The following ZNF385C variants were observed in gnomAD, a reference collection of about 807,000 sequenced individuals.
ZNF385C encodes zinc finger protein 385C.
In ZNF385C, 28 loss-of-function variants were observed where a neutral mutation model predicts 35.4. The observed-to-expected ratio is 0.79, with a 90% CI of 0.59 to 1.08. The LOEUF (loss-of-function observed/expected upper bound fraction) is 1.08. ZNF385C is among the 50% of genes least tolerant of loss of function. The pLI is 0.00. For synonymous variants in ZNF385C, 248 were observed against 248.2 expected, an observed-to-expected ratio of 1.00 and a Z score of 0.01; for missense variants, 605 against 595.6, an observed-to-expected ratio of 1.02 and a Z score of -0.16.
At chr17:42,027,575 C>T (rs575977771) in intron 8 of ZNF385C, 43 bp downstream of exon 8, 59 of 1,074,124 alleles carry the variant, frequency 5.5e-5, no homozygotes, top group Admixed American at 1.0e-4. Context: ...CCACCCTCTC[C>T]CCTCCTGACC....
chr17:42,045,800 C>T (rs2053147851), intron 2 of ZNF385C, among the ~76,000 whole-genome samples: 1 of 152,202 alleles, frequency 6.6e-6, no homozygotes, highest in Non-Finnish European at 1.5e-5. Context: ...CCAACTGTGT[C>T]ACTCCCTAGT....
intron 2 of ZNF385C, among the ~76,000 whole-genome samples, chr17:42,041,428 C>T (rs767407249): frequency 2.0e-5 from 3 of 152,148 alleles, no homozygotes; most frequent in South Asian, 2.1e-4. Flanking sequence ...CCTCCCACCC[C>T]GGCCTCCCAC....
At position 42,050,159 on chromosome 17, in the gene ZNF385C, G is replaced by A. The variant is rs1172420927; in HGVS notation, c.251-12274C>T. On this transcript the variant is annotated intron_variant, in intron 2 of 8. Coordinates refer to ENST00000692273, the MANE Select transcript of ZNF385C (RefSeq NM_001392013.1). This position sits in a 1 kb window ranked among gnomAD's most constrained non-coding sequence, Gnocchi z 5.6. ...ATTTCTCTCCACACCCTGACCAGCC[G>A]GATGGGAGCAGGAACAACTTGACAA... Among the ~76,000 whole-genome samples the A allele has an allele frequency of 1.4e-5, 2 of 145,114 alleles. No homozygotes were observed. The highest frequency in any genetic ancestry group is 3.1e-5 in the Non-Finnish European group (2 of 64,796).
intron 1 of ZNF385C, among the ~76,000 whole-genome samples, chr17:42,096,871 C>T (rs1219380087): frequency 6.6e-6 from 1 of 151,450 alleles, no homozygotes; most frequent in Non-Finnish European, 1.5e-5. Flanking sequence ...GTGAGGGGCC[C>T]TGGGCAGCCC....
chr17:42,028,167 A>G lies in ZNF385C; in HGVS notation c.1047T>C (p.Gly349=). 3.1e-6 allele frequency: 5 copies of G among 1,605,480 alleles called. No individual in the cohort carries two copies. The highest frequency in any genetic ancestry group is 4.2e-6 in the Non-Finnish European group (5 of 1,176,678). Reference sequence around the variant, plus strand: ...TGACTCTCTTGGCTTTGTGTCCGGCACCTCCCCTGGACACCGGGCGGCCCC... The same window carrying G: ...TGACTCTCTTGGCTTTGTGTCCGGCGCCTCCCCTGGACACCGGGCGGCCCC... ...RSRGRPVSRG[G]AGHKAKRVTG... The change falls in exon 7 of 9, where the codon GGT becomes GGC. Residue 349 remains glycine (G), a synonymous_variant. Coordinates refer to ENST00000692273, the MANE Select transcript of ZNF385C (RefSeq NM_001392013.1).
chr17:42,086,170 TC>T (rs1346160697), intron 1 of ZNF385C, among the ~76,000 whole-genome samples: 1 of 151,672 alleles, frequency 6.6e-6, no homozygotes, highest in Non-Finnish European at 1.5e-5. Context: ...GGTGGGCAGA[TC>T]ACCTGAGGTC....
intron 1 of ZNF385C, among the ~76,000 whole-genome samples, chr17:42,072,486 C>A (rs897006633): frequency 1.3e-5 from 2 of 152,110 alleles, no homozygotes; most frequent in African/African-American, 4.8e-5. Flanking sequence ...CCCCTCCCGC[C>A]GGCTCTGCCC....
chr17:42,062,313 A>C, intron 2 of ZNF385C: 1 of 153,458 alleles, frequency 6.5e-6, no homozygotes, highest in Non-Finnish European at 1.5e-5. Flanking sequence ...CACCCCAGCT[A>C]GGGAGAAGCA....
chr17:42,090,059 C>T (rs2053848857), intron 1 of ZNF385C, among the ~76,000 whole-genome samples: 1 of 152,146 alleles, frequency 6.6e-6, no homozygotes, highest in South Asian at 2.1e-4. Context: ...TCCCCACCTT[C>T]CAGCCACACT....
intron 1 of ZNF385C, among the ~76,000 whole-genome samples, chr17:42,088,257 G>C (rs964145760): frequency 1.3e-5 from 2 of 152,234 alleles, no homozygotes; most frequent in African/African-American, 4.8e-5. Flanking sequence ...AGGACCCGGA[G>C]AGGAAGAGAC....
At chr17:42,057,709 C>T (rs1478205968) in intron 2 of ZNF385C, among the ~76,000 whole-genome samples, 1 of 152,010 alleles carries the variant, frequency 6.6e-6, no homozygotes, top group African/African-American at 2.4e-5. Flanking sequence ...CTTTGGGAGG[C>T]CGACCAGGTG....
chr17:42,040,504 G>GAGGGC, intron 2 of ZNF385C: 1 of 1,232,640 alleles, frequency 8.1e-7, no homozygotes, highest in Non-Finnish European at 1.0e-6. Context: ...CTTCTGCACA[G>GAGGGC]AGGGCAGGGC....
chr17:42,039,828 C>A (rs1368813138), intron 2 of ZNF385C: 69 of 1,231,962 alleles, frequency 5.6e-5, no homozygotes, highest in Non-Finnish European at 6.6e-5. Flanking sequence ...TGTGGCCCCC[C>A]CGGCCTTCCC....
At position 42,053,564 on chromosome 17, in the gene ZNF385C, C is replaced by T. The variant is rs149880228; in HGVS notation, c.250+9243G>A. Among the ~76,000 whole-genome samples the T allele has an allele frequency of 6.2e-3, 946 of 152,280 alleles. 8 individuals are homozygous for T. The highest frequency in any genetic ancestry group is 8.9e-3 in the Non-Finnish European group (602 of 68,016). On this transcript the variant is annotated intron_variant, in intron 2 of 8. Coordinates refer to ENST00000692273, the MANE Select transcript of ZNF385C (RefSeq NM_001392013.1). ...ATGGGCTCCCTGGACAGGCATCTGC[C>T]CAGATGTCCAGCACCCCTGTTTCCC... is the stretch of plus-strand genomic sequence containing the variant.
intron 2 of ZNF385C, among the ~76,000 whole-genome samples, chr17:42,054,907 C>T (rs868909601): frequency 6.6e-6 from 1 of 152,086 alleles, no homozygotes; most frequent in Admixed American, 6.6e-5. Context: ...CCTGACACCC[C>T]TCCCATGCCC....
chr17:42,034,356 C>T, intron 3 of ZNF385C, 21 bp from the exon 4 acceptor site: 1 of 1,536,810 alleles, frequency 6.5e-7, no homozygotes, highest in Non-Finnish European at 8.8e-7. Context: ...AGTGGGAGGG[C>T]ATAATAACTC....
intron 1 of ZNF385C, among the ~76,000 whole-genome samples, chr17:42,063,316 G>A (rs1020342387): frequency 1.3e-5 from 2 of 152,174 alleles, no homozygotes; most frequent in Non-Finnish European, 2.9e-5. Context: ...GTCACCTGAG[G>A]TCAGGAGTTT....
At chr17:42,090,690 C>G (rs1043432609) in intron 1 of ZNF385C, among the ~76,000 whole-genome samples, 7 of 151,494 alleles carry the variant, frequency 4.6e-5, no homozygotes, top group Non-Finnish European at 8.9e-5. Flanking sequence ...GTCAGGAGAT[C>G]GAGACCATGG....
intron 2 of ZNF385C, chr17:42,039,537 C>T (rs1373560104): frequency 2.5e-6 from 1 of 404,832 alleles, no homozygotes; most frequent in Non-Finnish European, 3.3e-6. Flanking sequence ...CCACAGCCCA[C>T]AGGGTGGGGG....
Sources: allele counts gnomAD v4.1 joint callset (sites outside exome capture counted in the v4.1 genomes callset), GRCh38; gene constraint gnomAD v4.1.1; non-coding constraint Gnocchi (gnomAD v3.1); transcripts MANE v1.5; gene names NCBI Gene and HGNC (gene_info 2026-07-23, HGNC 2026-07-21).